Variants in CNTLN observed in about 807,000 individuals in gnomAD.
CNTLN encodes the protein centlein.
In CNTLN, 212 loss-of-function variants were observed where a neutral mutation model predicts 180.0. The ratio of observed to expected loss-of-function variants is 1.18; its 90% CI spans 1.05 to 1.32. The LOEUF (loss-of-function observed/expected upper bound fraction) is 1.32. CNTLN is among the 40% of genes most tolerant of loss of function. The pLI is 0.00. For synonymous variants in CNTLN, 722 were observed against 563.1 expected, an observed-to-expected ratio of 1.28 and a Z score of -3.99; for missense variants, 2,095 against 1,610.9, an observed-to-expected ratio of 1.30 and a Z score of -5.14.
At chr9:17,518,299 G>A in the CNTLN span, among the ~76,000 whole-genome samples, 8 of 151,764 alleles carry the variant, frequency 5.3e-5, no homozygotes, top group East Asian at 1.2e-3. Context: ...TGCCTACCTC[G>A]CCCTCCCAAA....
At chr9:17,464,118 A>G (rs1831607888) in intron 20 of CNTLN, among the ~76,000 whole-genome samples, 1 of 151,262 alleles carries the variant, frequency 6.6e-6, no homozygotes, top group Admixed American at 6.6e-5. Context: ...GAAGTATAAG[A>G]TTTTTTTCTT....
chr9:17,192,971 T>G (rs1206041417), intron 2 of CNTLN, among the ~76,000 whole-genome samples: 1 of 152,100 alleles, frequency 6.6e-6, no homozygotes, highest in East Asian at 1.9e-4. Flanking sequence ...CAAAAGGCAC[T>G]TCTTACTTGG....
chr9:17,379,052 A>AT (rs35438339), intron 13 of CNTLN, among the ~76,000 whole-genome samples: 2,292 of 149,172 alleles, frequency 0.015, 64 homozygotes, highest in African/African-American at 0.053. Context: ...ACATTGACAG[A>AT]TTTTTTTTTT....
rs988774866 is a variant in CNTLN, at chr9:17,209,590, G to T, written c.450-16613G>T. Among the ~76,000 whole-genome samples, 4 of 152,242 alleles carry T rather than the reference G, an allele frequency of 2.6e-5. No homozygotes were observed. The East Asian group carries it at 7.7e-4, about 29-fold the overall frequency. ...CTAATAATATTTTCTCTATATGTTT[G>T]GGTTCTCCAGTGTTAGGCACCTATA... On this transcript the variant is annotated intron_variant, in intron 2 of 25. Transcript: ENST00000380647.
intron 13 of CNTLN, among the ~76,000 whole-genome samples, chr9:17,372,967 G>A (rs1824452641): frequency 6.6e-6 from 1 of 152,102 alleles, no homozygotes; most frequent in African/African-American, 2.4e-5. Flanking sequence ...GGTTTCATTG[G>A]AACAAACATA....
intron 15 of CNTLN, among the ~76,000 whole-genome samples, chr9:17,404,683 G>T (rs984518278): frequency 7.9e-5 from 12 of 150,996 alleles, no homozygotes; most frequent in Admixed American, 1.3e-4. Flanking sequence ...TTAAAAAGTT[G>T]TGTACAATCC....
chr9:17,181,456 T>C lies in CNTLN; in HGVS notation c.449+38080T>C, dbSNP rs113323832. Among the ~76,000 whole-genome samples, 413 of 152,372 alleles carry C rather than the reference T, an allele frequency of 2.7e-3. 7 individuals are homozygous for C. The highest frequency in any genetic ancestry group is 9.5e-3 in the African/African-American group (396 of 41,598). ...TTTCTTTTACCTTCATAACTGCTCA[T>C]TGAAGCATTTTCATTATGGCTGTTT... On this transcript the variant is annotated intron_variant, in intron 2 of 25. Transcript: ENST00000380647.
chr9:17,359,635 A>G (rs1034444220), intron 12 of CNTLN, among the ~76,000 whole-genome samples: 1 of 148,204 alleles, frequency 6.7e-6, no homozygotes, highest in Non-Finnish European at 1.5e-5. Context: ...TAATCCCAGC[A>G]CTTTGGGAGG....
chr9:17,175,351 T>C (rs934236854), intron 2 of CNTLN, among the ~76,000 whole-genome samples: 50 of 152,132 alleles, frequency 3.3e-4, no homozygotes, highest in Non-Finnish European at 6.8e-4. Flanking sequence ...GTTTCTTTTC[T>C]TTTTTTGCCT....
intron 18 of CNTLN, among the ~76,000 whole-genome samples, chr9:17,452,872 G>T (rs552758310): frequency 1.3e-5 from 2 of 152,298 alleles, no homozygotes; most frequent in South Asian, 4.1e-4. Context: ...TACAGTTGCA[G>T]CTGAGAGCAG....
chr9:17,433,290 CTT>C (rs879265405), intron 18 of CNTLN, among the ~76,000 whole-genome samples: 1 of 144,286 alleles, frequency 6.9e-6, no homozygotes. Flanking sequence ...TTTTAGCTTT[CTT>C]TTTTTTTTTT....
chr9:17,506,888 G>T (rs1296602104), downstream of CNTLN, among the ~76,000 whole-genome samples: 3 of 152,034 alleles, frequency 2.0e-5, no homozygotes, highest in Admixed American at 2.0e-4. Flanking sequence ...GGGTAAAATA[G>T]AATGTTTCAA....
intron 10 of CNTLN, among the ~76,000 whole-genome samples, chr9:17,340,429 G>A (rs1254699070): frequency 3.3e-5 from 5 of 152,078 alleles, no homozygotes; most frequent in Non-Finnish European, 7.4e-5. Context: ...TCTGATTAAT[G>A]TTCTTATACT....
chr9:17,477,612 G>T (rs778409178), intron 23 of CNTLN, among the ~76,000 whole-genome samples: 1 of 152,202 alleles, frequency 6.6e-6, no homozygotes, highest in African/African-American at 2.4e-5. Flanking sequence ...AGAAACTGCA[G>T]ATGTGGTAGA....
At chr9:17,501,042 T>G (rs1482239339) in intron 25 of CNTLN, among the ~76,000 whole-genome samples, 1 of 152,202 alleles carries the variant, frequency 6.6e-6, no homozygotes, top group South Asian at 2.1e-4. Flanking sequence ...TTTTCCCACT[T>G]CTTCACATTC....
At chr9:17,160,027 C>T (rs1198142375) in intron 2 of CNTLN, among the ~76,000 whole-genome samples, 3 of 152,126 alleles carry the variant, frequency 2.0e-5, no homozygotes, top group African/African-American at 7.2e-5. Context: ...TCAAAAGATA[C>T]AATGGCAATT....
chr9:17,324,041 C>T (rs1307240552), intron 8 of CNTLN, among the ~76,000 whole-genome samples: 3 of 152,112 alleles, frequency 2.0e-5, no homozygotes, highest in African/African-American at 7.2e-5. Flanking sequence ...GAAAACCACA[C>T]TTTAGTGAAT....
intron 18 of CNTLN, among the ~76,000 whole-genome samples, chr9:17,433,742 A>G (rs1038196360): frequency 1.3e-5 from 2 of 151,946 alleles, no homozygotes; most frequent in Admixed American, 1.3e-4. Context: ...ACCATGCCCA[A>G]CTATTTTAAA....
At chr9:17,441,646 G>T (rs1356249074) in intron 18 of CNTLN, among the ~76,000 whole-genome samples, 1 of 149,174 alleles carries the variant, frequency 6.7e-6, no homozygotes, top group Non-Finnish European at 1.5e-5. Flanking sequence ...CAGAGGAAAA[G>T]ACAGACAAAA....
Sources: allele counts gnomAD v4.1 joint callset (sites outside exome capture counted in the v4.1 genomes callset), GRCh38; gene constraint gnomAD v4.1.1; transcripts MANE v1.5; gene names NCBI Gene and HGNC (gene_info 2026-07-23, HGNC 2026-07-21).